The following GALNT13 variants were observed in gnomAD, a reference collection of about 807,000 sequenced individuals.
The protein encoded by GALNT13 is UDP-GalNAc:polypeptide N-acetylgalactosaminyltransferase 13.
Under a neutral mutation model 64.2 loss-of-function variants are expected in GALNT13, and 28 were observed. That is an observed-to-expected ratio of 0.44 (90% CI 0.32 to 0.60). The LOEUF (loss-of-function observed/expected upper bound fraction) is 0.60. GALNT13 is among the 20% of genes least tolerant of loss of function. The pLI, the probability that GALNT13 is intolerant of heterozygous loss-of-function variation, is 0.05. For missense variants in GALNT13, 577 were observed against 669.8 expected (o/e 0.86, Z 1.53); for synonymous variants, 214 against 224.6 (o/e 0.95, Z 0.42).
intron 3 of GALNT13, among the ~76,000 whole-genome samples, chr2:154,029,555 C>T (rs764405935): frequency 5.9e-5 from 9 of 151,958 alleles, no homozygotes; most frequent in East Asian, 1.9e-4. Context: ...TGATTCAAAC[C>T]GCAGATCTAG....
the GALNT13 span, among the ~76,000 whole-genome samples, chr2:153,561,819 A>T: frequency 2.0e-5 from 3 of 152,132 alleles, no homozygotes; most frequent in South Asian, 6.2e-4. Context: ...TTTGAATTGG[A>T]GTAATACAAA....
chr2:153,317,167 A>C, the GALNT13 span, among the ~76,000 whole-genome samples: 6 of 152,298 alleles, frequency 3.9e-5, no homozygotes, highest in South Asian at 8.3e-4. Context: ...ATACCTTAGA[A>C]ATTCAACCAT....
At chr2:153,549,945 T>G in the GALNT13 span, among the ~76,000 whole-genome samples, 4 of 152,200 alleles carry the variant, frequency 2.6e-5, no homozygotes, top group South Asian at 8.3e-4. Flanking sequence ...CTAGCTTGGT[T>G]GTCTTCTGAA....
At chr2:153,231,984 G>A in the GALNT13 span, among the ~76,000 whole-genome samples, 20,821 of 152,096 alleles carry the variant, frequency 0.14, 1,679 homozygotes, top group Non-Finnish European at 0.18. Flanking sequence ...GGTGCTGAGT[G>A]GCGGTTTTGA....
chr2:154,366,937 T>G (rs1283112460), intron 9 of GALNT13, among the ~76,000 whole-genome samples: 1 of 152,194 alleles, frequency 6.6e-6, no homozygotes, highest in Non-Finnish European at 1.5e-5. Context: ...CTGATTAGAC[T>G]GGATTATGAA....
At chr2:153,303,435 ATTCT>A in the GALNT13 span, among the ~76,000 whole-genome samples, 1 of 152,146 alleles carries the variant, frequency 6.6e-6, no homozygotes, top group Non-Finnish European at 1.5e-5. Flanking sequence ...GAATATATTC[ATTCT>A]TTCTAACACT....
chr2:153,165,760 G>T, the GALNT13 span, among the ~76,000 whole-genome samples: 2 of 152,164 alleles, frequency 1.3e-5, no homozygotes, highest in African/African-American at 4.8e-5. Context: ...ACAAGCAGCA[G>T]ATAAAATAGG....
the GALNT13 span, among the ~76,000 whole-genome samples, chr2:153,084,403 A>G: frequency 6.6e-6 from 1 of 152,172 alleles, no homozygotes; most frequent in African/African-American, 2.4e-5. Flanking sequence ...TATGTCATCT[A>G]TGATTTCTTT....
At chr2:153,486,333 T>A in the GALNT13 span, among the ~76,000 whole-genome samples, 9 of 152,348 alleles carry the variant, frequency 5.9e-5, no homozygotes, top group African/African-American at 2.2e-4. Flanking sequence ...TATATTCTTA[T>A]GGCACTCAAA....
At chr2:154,060,767 C>A (rs2105366432) in intron 3 of GALNT13, among the ~76,000 whole-genome samples, 1 of 152,114 alleles carries the variant, frequency 6.6e-6, no homozygotes. Flanking sequence ...TAATGGGGCT[C>A]ACACATGCTG....
At chr2:153,905,849 C>T (rs558035746) in intron 2 of GALNT13, among the ~76,000 whole-genome samples, 15 of 152,004 alleles carry the variant, frequency 9.9e-5, no homozygotes, top group Middle Eastern at 3.4e-3. Flanking sequence ...AGTAATATAA[C>T]GGTGACTTGA....
At chr2:153,804,788 A>T in the GALNT13 span, among the ~76,000 whole-genome samples, 1 of 152,172 alleles carries the variant, frequency 6.6e-6, no homozygotes, top group East Asian at 1.9e-4. Context: ...AATAAAGAGC[A>T]GAATCATGTC....
intron 9 of GALNT13, among the ~76,000 whole-genome samples, chr2:154,339,507 C>T (rs908938095): frequency 1.3e-5 from 2 of 152,038 alleles, no homozygotes; most frequent in African/African-American, 4.8e-5. Context: ...TTGAAGTATA[C>T]TCGTTATTTG....
intron 3 of GALNT13, among the ~76,000 whole-genome samples, chr2:154,084,254 C>G (rs2105422193): frequency 6.6e-6 from 1 of 151,896 alleles, no homozygotes; most frequent in South Asian, 2.1e-4. Context: ...TGGCCATTCT[C>G]TCTATAGTTT....
chr2:153,851,450 CTA>C, the GALNT13 span, among the ~76,000 whole-genome samples: 1 of 151,822 alleles, frequency 6.6e-6, no homozygotes, highest in African/African-American at 2.4e-5. Context: ...CCTGTAATCC[CTA>C]TGTTTTGGGA....
At chr2:153,783,910 C>G in the GALNT13 span, among the ~76,000 whole-genome samples, 3 of 152,148 alleles carry the variant, frequency 2.0e-5, no homozygotes, top group Non-Finnish European at 4.4e-5. Flanking sequence ...TTATAAATTA[C>G]CCAGTCTCGG....
At chr2:153,207,294 G>A in the GALNT13 span, among the ~76,000 whole-genome samples, 4 of 152,012 alleles carry the variant, frequency 2.6e-5, no homozygotes, top group African/African-American at 9.7e-5. Flanking sequence ...CCCTGTAGTG[G>A]CTGATTCATC....
At chr2:153,515,926 CT>C in the GALNT13 span, among the ~76,000 whole-genome samples, 1 of 152,136 alleles carries the variant, frequency 6.6e-6, no homozygotes, top group East Asian at 1.9e-4. Context: ...ACTATGGCTG[CT>C]GTTAGACGTG....
At chr2:153,101,685 G>A in the GALNT13 span, among the ~76,000 whole-genome samples, 7 of 152,118 alleles carry the variant, frequency 4.6e-5, no homozygotes, top group African/African-American at 9.7e-5. Context: ...CTGGCTATCC[G>A]TCTTTTTGTC....
Sources: gnomAD v4.1 joint callset for allele counts (sites outside exome capture counted in the v4.1 genomes callset) on GRCh38, gnomAD v4.1.1 for gene constraint, MANE v1.5 for transcripts, NCBI Gene and HGNC (gene_info 2026-07-23, HGNC 2026-07-21) for gene names.